The following TPST1 variants were observed in gnomAD, a reference collection of about 807,000 sequenced individuals.
TPST1 encodes the protein protein-tyrosine sulfotransferase 1.
Under a neutral mutation model 34.8 loss-of-function variants are expected in TPST1, and 20 were observed. That is an observed-to-expected ratio of 0.57 (90% CI 0.40 to 0.84). The LOEUF (loss-of-function observed/expected upper bound fraction) is 0.84. TPST1 is among the 40% of genes least tolerant of loss of function. TPST1 has a pLI of 0.00. For synonymous variants in TPST1, 152 were observed against 159.4 expected (o/e 0.95, Z 0.35); for missense variants, 353 against 455.5 (o/e 0.78, Z 2.05).
intron 2 of TPST1, among the ~76,000 whole-genome samples, chr7:66,276,775 A>ATAG (rs1309733585): frequency 4.6e-5 from 7 of 152,080 alleles, no homozygotes; most frequent in African/African-American, 1.7e-4. Flanking sequence ...TTGTTTTAAA[A>ATAG]TAGTAAGTTA....
intron 2 of TPST1, among the ~76,000 whole-genome samples, chr7:66,269,770 AG>A (rs1790668184): frequency 6.6e-6 from 1 of 152,198 alleles, no homozygotes. Flanking sequence ...GAAATAAAGC[AG>A]GGAATAGGAG....
intron 2 of TPST1, among the ~76,000 whole-genome samples, chr7:66,245,961 T>C (rs1790138493): frequency 6.6e-6 from 1 of 152,084 alleles, no homozygotes; most frequent in African/African-American, 2.4e-5. Flanking sequence ...AAACTTCTCC[T>C]TTGTGAAGGC....
At chr7:66,228,606 A>T (rs1562804074) in intron 1 of TPST1, among the ~76,000 whole-genome samples, 1 of 152,162 alleles carries the variant, frequency 6.6e-6, no homozygotes, top group Non-Finnish European at 1.5e-5. Context: ...AGCTTATTGG[A>T]TCCATAAGAA....
intron 5 of TPST1, chr7:66,359,535 T>C (rs7777221): frequency 4.4e-6 from 1 of 225,982 alleles, no homozygotes; most frequent in Non-Finnish European, 9.0e-6. Flanking sequence ...CGAGGAATCA[T>C]GGTGCTGACC....
intron 3 of TPST1, among the ~76,000 whole-genome samples, chr7:66,331,048 A>T (rs555011179): frequency 5.3e-5 from 8 of 152,270 alleles, no homozygotes; most frequent in African/African-American, 1.9e-4. Flanking sequence ...CTCAGCTGGG[A>T]GAGGATCTGC....
intron 1 of TPST1, among the ~76,000 whole-genome samples, chr7:66,236,907 G>A (rs554706326): frequency 6.6e-6 from 1 of 152,278 alleles, no homozygotes; most frequent in African/African-American, 2.4e-5. Flanking sequence ...TTGGACAGTG[G>A]TTGCCTCAGA....
In TPST1 at chr7:66,351,323, G is replaced by A. The variant is rs10282107; in HGVS notation, c.1045-1182G>A. 8.5e-3 allele frequency among the ~76,000 whole-genome samples: 1,299 copies of A among 152,172 alleles called. 19 individuals are homozygous for A. Among genetic ancestry groups the A allele is most frequent in the African/African-American group, 0.03 (1,250 of 41,510 alleles). On this transcript the variant is annotated intron_variant, in intron 3 of 5. Transcript: ENST00000304842. ...GTGTATCATTATATGCGTAGATCAC[G>A]TTTTTTAATTTATTCTTTCTCATTG...
intron 3 of TPST1, among the ~76,000 whole-genome samples, chr7:66,335,447 T>A (rs1246577186): frequency 6.6e-6 from 1 of 150,704 alleles, no homozygotes; most frequent in African/African-American, 2.4e-5. Flanking sequence ...AGAGCAAAAC[T>A]GTGTCTCAAA....
At chr7:66,268,927 C>T (rs1790644241) in intron 2 of TPST1, among the ~76,000 whole-genome samples, 1 of 152,182 alleles carries the variant, frequency 6.6e-6, no homozygotes, top group Non-Finnish European at 1.5e-5. Context: ...AGGTGATCCG[C>T]CTGCCTTGGC....
chr7:66,280,220 G>A (rs903701068), intron 2 of TPST1, among the ~76,000 whole-genome samples: 6 of 152,188 alleles, frequency 3.9e-5, no homozygotes, highest in South Asian at 4.1e-4. Context: ...TAGAGCACTC[G>A]CACAGTGGAC....
At chr7:66,216,506 G>T in intron 1 of TPST1, among the ~76,000 whole-genome samples, 1 of 147,308 alleles carries the variant, frequency 6.8e-6, no homozygotes, top group Non-Finnish European at 1.5e-5. Flanking sequence ...GTCTTGCTCT[G>T]TCGCCCAGGC....
At chr7:66,213,191 T>C (rs186416384) in intron 1 of TPST1, among the ~76,000 whole-genome samples, 259 of 152,316 alleles carry the variant, frequency 1.7e-3, no homozygotes, top group African/African-American at 5.7e-3. Flanking sequence ...ATGTTAGATC[T>C]TTTGTTACTG....
intron 3 of TPST1, among the ~76,000 whole-genome samples, chr7:66,345,665 A>G (rs1248646543): frequency 6.6e-6 from 1 of 151,922 alleles, no homozygotes; most frequent in Non-Finnish European, 1.5e-5. Flanking sequence ...TGTCTTTATT[A>G]TGTTTTTAAT....
At chr7:66,208,090 C>A (rs1339065727) in intron 1 of TPST1, among the ~76,000 whole-genome samples, 1 of 152,074 alleles carries the variant, frequency 6.6e-6, no homozygotes, top group Non-Finnish European at 1.5e-5. Context: ...GAATTGGTTC[C>A]ATTTCTGAAC....
At chr7:66,225,554 G>A (rs1448144253) in intron 1 of TPST1, among the ~76,000 whole-genome samples, 1 of 152,142 alleles carries the variant, frequency 6.6e-6, no homozygotes, top group African/African-American at 2.4e-5. Flanking sequence ...AGAGGTTGCA[G>A]TGAGCCGAGA....
chr7:66,233,519 G>T (rs935458786), intron 1 of TPST1, among the ~76,000 whole-genome samples: 2 of 152,056 alleles, frequency 1.3e-5, no homozygotes, highest in Non-Finnish European at 2.9e-5. Flanking sequence ...CATAAACATC[G>T]TATTTCCAGA....
At chr7:66,273,316 G>T (rs1017237055) in intron 2 of TPST1, among the ~76,000 whole-genome samples, 1 of 152,158 alleles carries the variant, frequency 6.6e-6, no homozygotes. Flanking sequence ...TCCTGTATTC[G>T]TGGATTGGAA....
At chr7:66,255,934 C>A (rs1316942469) in intron 2 of TPST1, among the ~76,000 whole-genome samples, 2 of 151,750 alleles carry the variant, frequency 1.3e-5, no homozygotes, top group Non-Finnish European at 2.9e-5. Context: ...TTTTAGTGAT[C>A]ATTGATGAAT....
intron 5 of TPST1, chr7:66,359,131 C>G (rs1018688382): frequency 6.7e-6 from 1 of 149,968 alleles, no homozygotes; most frequent in Admixed American, 6.6e-5. Context: ...ACTTAAAGAA[C>G]CTTAGGACCC....
Sources: gnomAD v4.1 joint callset for allele counts (sites outside exome capture counted in the v4.1 genomes callset) on GRCh38, gnomAD v4.1.1 for gene constraint, MANE v1.5 for transcripts, NCBI Gene and HGNC (gene_info 2026-07-23, HGNC 2026-07-21) for gene names.